Variants in USP13 observed in about 807,000 individuals in gnomAD.
USP13 encodes ubiquitin carboxyl-terminal hydrolase 13.
A neutral mutation model predicts 107.8 loss-of-function variants in USP13; 68 were observed. The observed-to-expected ratio is 0.63, with a 90% CI of 0.52 to 0.77. The LOEUF is 0.77. Among genes scored for constraint, USP13 ranks in the 30% least tolerant of loss-of-function variants. The pLI, the probability that USP13 is intolerant of heterozygous loss-of-function variation, is 0.00. For missense variants in USP13, 945 were observed against 1,093.3 expected, an observed-to-expected ratio of 0.86 and a Z score of 1.91; for synonymous variants, 377 against 389.5, an observed-to-expected ratio of 0.97 and a Z score of 0.38.
chr3:179,699,312 T>C, intron 3 of USP13, among the ~76,000 whole-genome samples: 1 of 152,356 alleles, frequency 6.6e-6, no homozygotes, highest in South Asian at 2.1e-4. Flanking sequence ...TAAACTTCTT[T>C]AATATTACAT....
At chr3:179,752,429 A>G (rs2108525169) in intron 14 of USP13, 56 bp downstream of exon 14, 2 of 1,353,666 alleles carry the variant, frequency 1.5e-6, no homozygotes, top group East Asian at 2.3e-5. Flanking sequence ...TTTAAACAAC[A>G]TGGCATGTGA....
intron 6 of USP13, 28 bp downstream of exon 6, chr3:179,708,985 A>G (rs1229775832): frequency 1.9e-6 from 3 of 1,606,192 alleles, no homozygotes; most frequent in Non-Finnish European, 2.6e-6. Flanking sequence ...GACTTTGGGA[A>G]CATGCAGTGG....
At chr3:179,723,182 G>A (rs1009729319) in intron 8 of USP13, among the ~76,000 whole-genome samples, 1 of 152,200 alleles carries the variant, frequency 6.6e-6, no homozygotes, top group African/African-American at 2.4e-5. Context: ...TGGCTTTAAC[G>A]GCGGTTCATC....
chr3:179,743,462 G>T lies in USP13; in HGVS notation c.1534+1112G>T, dbSNP rs115406540. 4.6e-3 allele frequency among the ~76,000 whole-genome samples: 694 copies of T among 151,876 alleles called. 6 individuals carry two copies. Among genetic ancestry groups the T allele is most frequent in the African/African-American group, 0.016 (662 of 41,392 alleles). On this transcript the variant is annotated intron_variant, in intron 12 of 20. Coordinates refer to ENST00000263966, the MANE Select transcript of USP13 (RefSeq NM_003940.3). ...TTTTGCTCTTTCTTGTGTGTGGGGG[G>T]TGGTGGGTCAGTTTATGATGTTAGT... is the stretch of plus-strand genomic sequence containing the variant.
chr3:179,765,225 T>C (rs1715134418), intron 18 of USP13, among the ~76,000 whole-genome samples: 1 of 152,222 alleles, frequency 6.6e-6, no homozygotes, highest in South Asian at 2.1e-4. Flanking sequence ...TTTACCAACA[T>C]TCCAGGAGAG....
intron 3 of USP13, among the ~76,000 whole-genome samples, chr3:179,692,622 T>G (rs1278421346): frequency 6.6e-6 from 1 of 152,244 alleles, no homozygotes; most frequent in African/African-American, 2.4e-5. Flanking sequence ...ATGATTTCAT[T>G]TGAATTAAGT....
Position 179,784,570 on chromosome 3 carries a change from A to T in USP13, c.*429A>T, listed in dbSNP as rs1715862943. 6.4e-6 allele frequency: 1 copy of T among 155,488 alleles called. No individual in the cohort carries two copies. Among genetic ancestry groups the T allele is most frequent in the Non-Finnish European group, 1.4e-5 (1 of 70,214 alleles). The allele number at this position is 155,488 out of a possible 1,614,324, so 9.6% of individuals were successfully genotyped here. A position where few individuals can be genotyped will look rare whatever the true frequency, so the allele number is the denominator to read the frequency against. ...AATGAAAAGCCCACTTGTGTTTCAT[A>T]TAGAAAATCAGCAGTTGGGTGGGGC... On this transcript the variant is annotated 3_prime_UTR_variant, in exon 21 of 21. Transcript: ENST00000263966.
intron 4 of USP13, among the ~76,000 whole-genome samples, chr3:179,703,615 T>C (rs985952159): frequency 3.9e-5 from 6 of 152,200 alleles, no homozygotes; most frequent in African/African-American, 1.2e-4. Context: ...AGCTCTGTTT[T>C]GTAGTGTCTG....
chr3:179,680,181 A>G (rs1711597848), intron 1 of USP13, among the ~76,000 whole-genome samples: 4 of 151,908 alleles, frequency 2.6e-5, no homozygotes, highest in African/African-American at 7.2e-5. Flanking sequence ...GAAAACAACA[A>G]CAACAACAAC....
rs1173121170 is a variant in USP13 at position 179,690,229 on chromosome 3, T to A, written c.295-12T>A. The A allele has an allele frequency of 6.2e-7, 1 of 1,611,868 alleles. No homozygotes were observed. The highest frequency in any genetic ancestry group is 1.3e-5 in the African/African-American group (1 of 74,668). On this transcript the variant is annotated splice_polypyrimidine_tract_variant and intron_variant, in intron 2 of 20. Coordinates refer to ENST00000263966, the MANE Select transcript of USP13 (RefSeq NM_003940.3). The stretch of plus-strand genomic sequence containing the variant: ...TAGGCCGCATTTTAATGATCTTTTG[T>A]TTTCTTTTCAGAAGGTAAGAGGGGC...
chr3:179,671,299 C>T (rs1720744212), intron 1 of USP13, among the ~76,000 whole-genome samples: 1 of 152,008 alleles, frequency 6.6e-6, no homozygotes, highest in Non-Finnish European at 1.5e-5. Flanking sequence ...AATATACAGC[C>T]CCCATAAAGC....
intron 19 of USP13, among the ~76,000 whole-genome samples, chr3:179,773,019 T>G (rs925544953): frequency 6.6e-6 from 1 of 152,146 alleles, no homozygotes; most frequent in Admixed American, 6.5e-5. Context: ...GTTGGAGAGA[T>G]TGAACTTGTT....
chr3:179,706,342 C>T (rs1406510325), intron 4 of USP13, among the ~76,000 whole-genome samples: 1 of 152,186 alleles, frequency 6.6e-6, no homozygotes, highest in Non-Finnish European at 1.5e-5. Context: ...TTCCTCCTCC[C>T]CTGTGGTCAG....
intron 18 of USP13, among the ~76,000 whole-genome samples, chr3:179,765,150 T>G (rs1715132638): frequency 6.6e-6 from 1 of 152,242 alleles, no homozygotes; most frequent in Admixed American, 6.5e-5. Context: ...ACAATTATAC[T>G]TAACTAATCA....
intron 10 of USP13, 107 bp from the exon 11 acceptor site, chr3:179,740,140 T>C (rs1714134983): frequency 2.0e-6 from 3 of 1,501,884 alleles, no homozygotes; most frequent in Non-Finnish European, 2.7e-6. Context: ...GGGCTGTAGT[T>C]TTCTCATCTG....
intron 16 of USP13, among the ~76,000 whole-genome samples, chr3:179,760,820 C>T (rs970734139): frequency 1.3e-5 from 2 of 152,214 alleles, no homozygotes; most frequent in South Asian, 2.1e-4. Context: ...GCTCTGAAAT[C>T]GTTCTGGGAA....
At chr3:179,702,192 T>C (rs1454473427) in intron 4 of USP13, among the ~76,000 whole-genome samples, 1 of 152,166 alleles carries the variant, frequency 6.6e-6, no homozygotes, top group Non-Finnish European at 1.5e-5. Context: ...GAGATTTTTT[T>C]GTATTTTTAG....
intron 1 of USP13, among the ~76,000 whole-genome samples, chr3:179,656,195 T>G (rs983093011): frequency 6.6e-6 from 1 of 152,252 alleles, no homozygotes; most frequent in Admixed American, 6.5e-5. Flanking sequence ...CTAATTTGCC[T>G]GTAATGTATT....
At chr3:179,756,405 G>A (rs1036155586) in intron 15 of USP13, among the ~76,000 whole-genome samples, 1 of 147,070 alleles carries the variant, frequency 6.8e-6, no homozygotes, top group African/African-American at 2.6e-5. Context: ...GCGAGACCCT[G>A]TCTCAAAAAA....
Sources: allele counts gnomAD v4.1 joint callset (sites outside exome capture counted in the v4.1 genomes callset), GRCh38; gene constraint gnomAD v4.1.1; transcripts MANE v1.5; gene names NCBI Gene and HGNC (gene_info 2026-07-23, HGNC 2026-07-21).